The following DIAPH3 variants were observed in gnomAD, a reference collection of about 807,000 sequenced individuals.
DIAPH3 encodes protein diaphanous homolog 3.
In DIAPH3, 117 loss-of-function variants were observed where a neutral mutation model predicts 144.3. The observed-to-expected ratio is 0.81, with a 90% CI of 0.70 to 0.95. The LOEUF (loss-of-function observed/expected upper bound fraction) is 0.95. Among genes scored for constraint, DIAPH3 ranks in the 40% least tolerant of loss-of-function variants. The pLI is 0.00. For missense variants in DIAPH3, 1,421 were observed against 1,412.7 expected, an observed-to-expected ratio of 1.01 and a Z score of -0.09; for synonymous variants, 519 against 488.9, an observed-to-expected ratio of 1.06 and a Z score of -0.81.
In DIAPH3 at chr13:60,019,609, TAA is replaced by T. The variant is rs5803982; in HGVS notation, c.627-3466_627-3465del. Among the ~76,000 whole-genome samples, 1,000 of 144,230 alleles carry T rather than the reference TAA, an allele frequency of 6.9e-3. 5 individuals carry two copies. Among genetic ancestry groups the T allele is most frequent in the Non-Finnish European group, 9.8e-3 (646 of 65,704 alleles). 94.6% of individuals were successfully genotyped at this position (144,230 alleles called of 152,430 possible). ...AGAGGTAATAAAACTTAATAAAAAT[TAA>T]AAAAAAAAAAAACAGAGGGAGAGGG... On this transcript the variant is annotated intron_variant, in intron 5 of 27. Coordinates refer to ENST00000400324, the MANE Select transcript of DIAPH3 (RefSeq NM_001042517.2).
At chr13:60,111,041 AT>A (rs947268424) in intron 3 of DIAPH3, among the ~76,000 whole-genome samples, 1 of 152,128 alleles carries the variant, frequency 6.6e-6, no homozygotes, top group African/African-American at 2.4e-5. Context: ...TTATGATGAA[AT>A]TTTTTAACTT....
intron 1 of DIAPH3, among the ~76,000 whole-genome samples, chr13:60,161,519 A>G (rs1380497155): frequency 1.3e-5 from 2 of 152,202 alleles, no homozygotes; most frequent in Non-Finnish European, 2.9e-5. Context: ...TGCCCATGTT[A>G]AGATTTCCAG....
At chr13:60,036,372 A>G (rs9538557) in intron 5 of DIAPH3, among the ~76,000 whole-genome samples, 27,551 of 152,114 alleles carry the variant, frequency 0.18, 3,171 homozygotes, top group South Asian at 0.27. Flanking sequence ...ATTGTCCAAA[A>G]TGGTAGCCAC....
At chr13:60,025,117 C>A (rs555213828) in intron 5 of DIAPH3, among the ~76,000 whole-genome samples, 1 of 151,878 alleles carries the variant, frequency 6.6e-6, no homozygotes. Context: ...TTTTTTTCTG[C>A]GATATTTAGC....
chr13:59,876,583 C>G (rs1294831610), intron 21 of DIAPH3, among the ~76,000 whole-genome samples: 2 of 152,142 alleles, frequency 1.3e-5, no homozygotes, highest in East Asian at 3.9e-4. Context: ...TGTCTTATGA[C>G]AAGTTTCATT....
chr13:59,915,237 T>G (rs1466192903), intron 19 of DIAPH3, among the ~76,000 whole-genome samples: 2 of 151,954 alleles, frequency 1.3e-5, no homozygotes, highest in Admixed American at 6.6e-5. Context: ...AATGCTTAAA[T>G]AAGAGTAGCT....
chr13:59,825,336 T>G (rs1489772372), intron 24 of DIAPH3, among the ~76,000 whole-genome samples: 5 of 152,180 alleles, frequency 3.3e-5, no homozygotes, highest in African/African-American at 1.2e-4. Context: ...GATTTCCAAT[T>G]TCATCCATGT....
chr13:60,017,124 C>G (rs2053704959), intron 5 of DIAPH3, among the ~76,000 whole-genome samples: 1 of 152,066 alleles, frequency 6.6e-6, no homozygotes, highest in Non-Finnish European at 1.5e-5. Context: ...AAAATTTCGG[C>G]CAGGCGTGGT....
Position 60,162,805 on chromosome 13 carries a change from TCTCTCA to T in DIAPH3, c.180+776_180+781del, listed in dbSNP as rs769689636. ...TGTACTCTCTCTCTCTCTCTCTCTC[TCTCTCA>T]CACACACACACACACACACACACAC... On this transcript the variant is annotated intron_variant, in intron 1 of 27. Transcript: ENST00000400324. 2.3e-3 allele frequency among the ~76,000 whole-genome samples: 314 copies of T among 136,504 alleles called. 2 individuals carry two copies. Among genetic ancestry groups the T allele is most frequent in the Middle Eastern group, 0.015 (4 of 260 alleles). 89.6% of individuals were successfully genotyped at this position (136,504 alleles called of 152,430 possible). A position where few individuals can be genotyped will look rare whatever the true frequency, so the allele number is the denominator to read the frequency against.
intron 24 of DIAPH3, among the ~76,000 whole-genome samples, chr13:59,821,091 A>G (rs1314170981): frequency 6.6e-6 from 1 of 152,060 alleles, no homozygotes; most frequent in African/African-American, 2.4e-5. Flanking sequence ...AATACAAGTC[A>G]GGGATCTCTT....
chr13:59,906,094 T>C (rs962504927), intron 20 of DIAPH3, among the ~76,000 whole-genome samples: 2 of 152,166 alleles, frequency 1.3e-5, no homozygotes, highest in African/African-American at 4.8e-5. Context: ...ACCCAGACAA[T>C]GTGCAATACT....
At chr13:59,846,026 A>T (rs341507) in intron 22 of DIAPH3, among the ~76,000 whole-genome samples, 119,624 of 152,102 alleles carry the variant, frequency 0.79, 47,169 homozygotes, top group East Asian at 0.88. Context: ...CATTAAAATC[A>T]AAGACACAGG....
At chr13:59,734,034 GA>G (rs1480570766) in intron 27 of DIAPH3, among the ~76,000 whole-genome samples, 1 of 152,190 alleles carries the variant, frequency 6.6e-6, no homozygotes, top group Non-Finnish European at 1.5e-5. Flanking sequence ...GTTGATTTAA[GA>G]TTATAATTAG....
intron 27 of DIAPH3, among the ~76,000 whole-genome samples, chr13:59,749,234 A>AG (rs2036865753): frequency 6.8e-6 from 1 of 147,222 alleles, no homozygotes; most frequent in Non-Finnish European, 1.5e-5. Flanking sequence ...AAAAAAAAAA[A>AG]GTACGGCCGG....
At chr13:59,668,828 T>C (rs547616671) in intron 27 of DIAPH3, among the ~76,000 whole-genome samples, 2 of 128,676 alleles carry the variant, frequency 1.6e-5, no homozygotes, top group African/African-American at 5.8e-5. Flanking sequence ...TATACACATA[T>C]ATATATATGT....
intron 24 of DIAPH3, among the ~76,000 whole-genome samples, chr13:59,813,680 C>T (rs561511472): frequency 1.4e-3 from 211 of 151,834 alleles, no homozygotes; most frequent in African/African-American, 4.8e-3. Context: ...ATGGTGAAAC[C>T]CCGTCTCTAC....
chr13:60,081,516 G>A (rs754073343), intron 4 of DIAPH3, among the ~76,000 whole-genome samples: 2 of 151,914 alleles, frequency 1.3e-5, no homozygotes, highest in Non-Finnish European at 1.5e-5. Flanking sequence ...GAGACTAGAG[G>A]AGCTAGGCAG....
chr13:60,056,808 T>A (rs926681866), intron 4 of DIAPH3, among the ~76,000 whole-genome samples: 1 of 151,850 alleles, frequency 6.6e-6, no homozygotes, highest in Non-Finnish European at 1.5e-5. Flanking sequence ...GATAGGGAGT[T>A]ACTACTTAAA....
chr13:60,051,681 G>A (rs916942923), intron 4 of DIAPH3, among the ~76,000 whole-genome samples: 10 of 152,052 alleles, frequency 6.6e-5, no homozygotes, highest in Non-Finnish European at 1.5e-4. Context: ...ACTATACAAG[G>A]GGAGAGACTG....
Sources: gnomAD v4.1 joint callset for allele counts (sites outside exome capture counted in the v4.1 genomes callset) on GRCh38, gnomAD v4.1.1 for gene constraint, MANE v1.5 for transcripts, NCBI Gene and HGNC (gene_info 2026-07-23, HGNC 2026-07-21) for gene names.